LHX9: variants seen among roughly 807,000 people sequenced by gnomAD.
LHX9 encodes LIM homeobox 9.
LHX9 carries 9 observed loss-of-function variants against 36.5 expected under a neutral mutation model. The observed-to-expected ratio is 0.25, with a 90% CI of 0.15 to 0.43. LHX9 has a LOEUF of 0.43. Among genes scored for constraint, LHX9 ranks in the 20% least tolerant of loss-of-function variants. The probability of loss-of-function intolerance (pLI) is 1.00; values close to 1 mark genes in which losing one functional copy is unlikely to be tolerated. For missense variants in LHX9, 464 were observed against 526.4 expected (o/e 0.88, Z 1.16); for synonymous variants, 211 against 212.1 (o/e 0.99, Z 0.04).
chr1:197,917,223 A>C, upstream of LHX9: 3 of 1,170,962 alleles, frequency 2.6e-6, no homozygotes, highest in Non-Finnish European at 3.2e-6. Context: ...CTGCTTGCCC[A>C]TCACCAGGGG....
rs193100591 is a variant in LHX9 at position 197,917,667 on chromosome 1, C to A, written c.-157C>A. On this transcript the variant is annotated 5_prime_UTR_variant, in exon 1 of 5. Coordinates refer to ENST00000367387, the MANE Select transcript of LHX9 (RefSeq NM_020204.3). The stretch of plus-strand genomic sequence containing the variant: ...CCAGTTCTTTTTGCTTCCCCTCGGC[C>A]CCCCAAGCAGACCGATTTCCACTCC... The A allele has an allele frequency of 4.5e-6, 7 of 1,548,108 alleles. No individual in the cohort carries two copies. In the African/African-American group the frequency reaches 8.4e-5, roughly 19 times the overall value.
Position 197,929,185 on chromosome 1 carries a change from A to G in LHX9, c.1120A>G (p.Thr374Ala), listed in dbSNP as rs1660247410. The G allele has an allele frequency of 2.5e-6, 4 of 1,607,444 alleles. No individual in the cohort carries two copies. Among genetic ancestry groups the G allele is most frequent in the Non-Finnish European group, 3.4e-6 (4 of 1,177,564 alleles). ...DLTNPTITVV[T>A]SVTSNMDSHE... ...GACCAATCCCACTATCACTGTAGTG[A>G]CATCCGTGACCTCTAACATGGACAG... The change falls in exon 5 of 5, where the codon ACA becomes GCA. Residue 374 changes from threonine to alanine, a missense_variant. Physicochemically the swap from Thr to Ala is moderately conservative, Grantham distance 58 (BLOSUM62 0). Coordinates refer to ENST00000367387, the MANE Select transcript of LHX9 (RefSeq NM_020204.3).
At chr1:197,925,171 CCTATAA>C in intron 3 of LHX9, among the ~76,000 whole-genome samples, 1 of 43,578 alleles carries the variant, frequency 2.3e-5, no homozygotes, top group Non-Finnish European at 4.2e-5. Flanking sequence ...GGAAACAGGG[CCTATAA>C]CTGTATTTTA....
intron 3 of LHX9, among the ~76,000 whole-genome samples, chr1:197,924,888 A>ACACTACTAAGAGTTACACACTAAAAGGC (rs1571404851): frequency 8.5e-5 from 10 of 117,366 alleles, no homozygotes; most frequent in Admixed American, 2.0e-4. Context: ...TTTAAGAGTT[A>ACACTACTAAGAGTTACACACTAAAAGGC]TCATTTCATC....
At chr1:197,924,132 A>T (rs1660079100) in intron 3 of LHX9, among the ~76,000 whole-genome samples, 1 of 152,218 alleles carries the variant, frequency 6.6e-6, no homozygotes, top group African/African-American at 2.4e-5. Flanking sequence ...TTCCAAAACT[A>T]GGGAAAGAAA....
At chr1:197,926,009 T>C (rs953655582) in intron 3 of LHX9, among the ~76,000 whole-genome samples, 8 of 152,208 alleles carry the variant, frequency 5.3e-5, no homozygotes, top group African/African-American at 1.9e-4. Flanking sequence ...CTCCTACTTA[T>C]GCGTCTTATG....
upstream of LHX9, chr1:197,916,482 G>T: frequency 1.7e-6 from 1 of 584,066 alleles, no homozygotes; most frequent in Non-Finnish European, 3.0e-6. Flanking sequence ...GAGTCCGCAA[G>T]TCGCTTCCTA....
chr1:197,927,251 AG>A (rs1557976555), intron 3 of LHX9, among the ~76,000 whole-genome samples: 1 of 152,214 alleles, frequency 6.6e-6, no homozygotes, highest in Non-Finnish European at 1.5e-5. Flanking sequence ...ATATTAGAAA[AG>A]GGTTTCTTCT....
At chr1:197,925,376 A>G (rs1660112638) in intron 3 of LHX9, among the ~76,000 whole-genome samples, 1 of 152,220 alleles carries the variant, frequency 6.6e-6, no homozygotes, top group South Asian at 2.1e-4. Context: ...AGTGGGGGAA[A>G]GATGGCCAAG....
At chr1:197,918,365 C>T (rs1176827484) in intron 1 of LHX9, 1 of 717,284 alleles carries the variant, frequency 1.4e-6, no homozygotes, top group African/African-American at 1.7e-5. Context: ...TGGGCATAAG[C>T]AATAGGAGGA....
intron 1 of LHX9, among the ~76,000 whole-genome samples, chr1:197,919,077 T>C (rs1408901083): frequency 6.6e-6 from 1 of 152,264 alleles, no homozygotes; most frequent in African/African-American, 2.4e-5. Flanking sequence ...CCATTTCTGC[T>C]AGTCGTGAGG....
intron 2 of LHX9, 96 bp downstream of exon 2, chr1:197,920,270 C>T: frequency 8.3e-7 from 1 of 1,201,984 alleles, no homozygotes; most frequent in South Asian, 1.3e-5. Context: ...ACCTTTTGCC[C>T]CATTCCGGGT....
In LHX9 at chr1:197,921,329, C is replaced by G; in HGVS notation, c.403C>G (p.Arg135Gly). ...YRRFSVQRCA[R>G]CHLGISASEM... ...AAGGTTCTCTGTGCAGAGATGTGCC[C>G]GCTGCCACCTTGGCATTTCCGCCTC... The change falls in exon 3 of 5, where the codon CGC becomes GGC. Residue 135 changes from arginine to glycine, a missense_variant. Around this residue, in one of 5 missense-constraint regions of LHX9, gnomAD observed 93 missense variants for 150.3 expected, o/e 0.62. Coordinates refer to ENST00000367387, the MANE Select transcript of LHX9 (RefSeq NM_020204.3). This position sits in a 1 kb window ranked among gnomAD's most constrained non-coding sequence, Gnocchi z 4.6. The G allele has an allele frequency of 6.2e-7, 1 of 1,613,960 alleles. No individual in the cohort carries two copies. Among genetic ancestry groups the G allele is most frequent in the South Asian group, 1.1e-5 (1 of 91,062 alleles).
Position 197,930,843 on chromosome 1 carries a change from A to T in LHX9, c.*1584A>T, listed in dbSNP as rs1390586709. ...AAGGTGTGATTGCCATTATATATTT[A>T]GCAAGTATGGTTATCATCTTATATG... On this transcript the variant is annotated 3_prime_UTR_variant, in exon 5 of 5. Coordinates refer to ENST00000367387, the MANE Select transcript of LHX9 (RefSeq NM_020204.3). The T allele has an allele frequency of 6.6e-6, 1 of 152,076 alleles. No homozygotes were observed. The highest frequency in any genetic ancestry group is 1.5e-5 in the Non-Finnish European group (1 of 67,888). 9.4% of individuals were successfully genotyped at this position (152,076 alleles called of 1,614,324 possible).
chr1:197,920,708 T>C (rs929989757), intron 2 of LHX9, among the ~76,000 whole-genome samples: 1 of 152,156 alleles, frequency 6.6e-6, no homozygotes, highest in African/African-American at 2.4e-5. Flanking sequence ...GCCCCCCAGA[T>C]TGGAGAAAAT....
chr1:197,927,491 T>C (rs1267318604), intron 3 of LHX9, 100 bp from the exon 4 acceptor site: 2 of 989,510 alleles, frequency 2.0e-6, no homozygotes, highest in African/African-American at 3.2e-5. Flanking sequence ...CCTTTTTCAC[T>C]GCTGCTTTAT....
At chr1:197,918,370 G>A (rs1376946693) in intron 1 of LHX9, 2 of 717,254 alleles carry the variant, frequency 2.8e-6, no homozygotes, top group Admixed American at 2.0e-5. Context: ...ATAAGCAATA[G>A]GAGGACGGCG....
Position 197,930,258 on chromosome 1 carries a change from G to A in LHX9, c.*999G>A, listed in dbSNP as rs927384608. On this transcript the variant is annotated 3_prime_UTR_variant, in exon 5 of 5. Coordinates refer to ENST00000367387, the MANE Select transcript of LHX9 (RefSeq NM_020204.3). ...TAGACTTATACCAACAATTGGTTTT[G>A]TTTTGTTTTATTTTATTTTGACATA... 7 of 177,914 alleles carry A rather than the reference G, an allele frequency of 3.9e-5. No homozygotes were observed. Among genetic ancestry groups the A allele is most frequent in the Non-Finnish European group, 5.5e-5 (5 of 91,652 alleles). The allele number at this position is 177,914 out of a possible 1,614,324, so 11.0% of individuals were successfully genotyped here.
chr1:197,916,911 A>G (rs1659776179), upstream of LHX9, among the ~76,000 whole-genome samples: 1 of 152,120 alleles, frequency 6.6e-6, no homozygotes, highest in South Asian at 2.1e-4. Context: ...CAGGCTGGGG[A>G]TGAAAAAGTC....
Sources: gnomAD v4.1 joint callset for allele counts (sites outside exome capture counted in the v4.1 genomes callset) on GRCh38, gnomAD v4.1.1 for gene constraint, gnomAD v4.1.1 regional missense constraint, Gnocchi (gnomAD v3.1) non-coding constraint, MANE v1.5 for transcripts, NCBI Gene and HGNC (gene_info 2026-07-23, HGNC 2026-07-21) for gene names.